ZNRF3: variants seen among roughly 807,000 people sequenced by gnomAD.
ZNRF3 encodes E3 ubiquitin-protein ligase ZNRF3.
In ZNRF3, 23 loss-of-function variants were observed where a neutral mutation model predicts 72.5. That is an observed-to-expected ratio of 0.32 (90% CI 0.23 to 0.45). The LOEUF (loss-of-function observed/expected upper bound fraction) is 0.45, where lower values mean the gene tolerates loss of function less well. Ranked by LOEUF, ZNRF3 falls within the 20% of genes least tolerant of loss-of-function variation. ZNRF3 has a pLI of 1.00. For synonymous variants in ZNRF3, 610 were observed against 545.3 expected, an observed-to-expected ratio of 1.12 and a Z score of -1.65; for missense variants, 1,169 against 1,272.1, an observed-to-expected ratio of 0.92 and a Z score of 1.23.
intron 2 of ZNRF3, chr22:29,026,097 T>C (rs1454417420): frequency 6.6e-6 from 1 of 152,202 alleles, no homozygotes; most frequent in African/African-American, 2.4e-5. Context: ...GTACCAGGAC[T>C]GGAACGCATT....
chr22:29,046,939 G>A (rs2037084136), intron 6 of ZNRF3, 56 bp downstream of exon 6: 1 of 1,430,602 alleles, frequency 7.0e-7, no homozygotes, highest in Non-Finnish European at 9.3e-7. Context: ...GGTCAGCAGA[G>A]GTGCCCAAGA....
chr22:28,987,734 G>A (rs1014979735), intron 2 of ZNRF3, among the ~76,000 whole-genome samples: 3 of 152,200 alleles, frequency 2.0e-5, no homozygotes, highest in Admixed American at 6.5e-5. Context: ...GTTAGTTCAC[G>A]GCAGCTTTGC....
intron 2 of ZNRF3, among the ~76,000 whole-genome samples, chr22:29,015,641 G>T (rs1278065097): frequency 6.7e-6 from 1 of 148,438 alleles, no homozygotes; most frequent in East Asian, 2.0e-4. Context: ...CTGCACTCCC[G>T]CCTGGGTGAC....
intron 2 of ZNRF3, among the ~76,000 whole-genome samples, chr22:29,041,975 G>A (rs944430768): frequency 1.3e-5 from 2 of 152,128 alleles, no homozygotes; most frequent in African/African-American, 2.4e-5. Context: ...GACTGGGCAG[G>A]TTGTTGATGT....
rs986184355 is a variant in ZNRF3, at chr22:29,044,635, A to G, written c.634-145A>G. The G allele has an allele frequency of 6.1e-6, 4 of 657,012 alleles. No individual in the cohort carries two copies. The Admixed American group carries it at 6.6e-5, about 11-fold the overall frequency. 40.7% of individuals were successfully genotyped at this position (657,012 alleles called of 1,614,324 possible). ...CTAGGGAGCACACCATGTGCATGTGAGCAGAACCCCAGGAGTTTCCTGCAA... is the reference window on the plus strand; with the variant it reads ...CTAGGGAGCACACCATGTGCATGTGGGCAGAACCCCAGGAGTTTCCTGCAA... On this transcript the variant is annotated intron_variant, in intron 4 of 8. Transcript: ENST00000544604.
intron 1 of ZNRF3, among the ~76,000 whole-genome samples, chr22:28,892,556 G>A (rs955912426): frequency 6.6e-6 from 1 of 152,144 alleles, no homozygotes; most frequent in Non-Finnish European, 1.5e-5. Context: ...GAGGTTCTTT[G>A]TTCTATTTGT....
intron 2 of ZNRF3, 97 bp from the exon 3 acceptor site, chr22:29,042,398 C>T: frequency 1.0e-6 from 1 of 958,678 alleles, no homozygotes; most frequent in Non-Finnish European, 1.6e-6. Flanking sequence ...TGGTAACTGT[C>T]AGATTCTGCA....
At chr22:28,895,962 G>C (rs1404153356) in intron 1 of ZNRF3, among the ~76,000 whole-genome samples, 1 of 152,060 alleles carries the variant, frequency 6.6e-6, no homozygotes, top group Non-Finnish European at 1.5e-5. Context: ...TGCTGTTCAG[G>C]TGGTCTGAGG....
intron 2 of ZNRF3, among the ~76,000 whole-genome samples, chr22:29,013,337 C>G (rs1214601991): frequency 6.6e-6 from 1 of 152,118 alleles, no homozygotes; most frequent in African/African-American, 2.4e-5. Context: ...TAGTAACTTC[C>G]CCTGTTCCAA....
chr22:29,002,953 A>G (rs73882423), intron 2 of ZNRF3, among the ~76,000 whole-genome samples: 1,973 of 152,302 alleles, frequency 0.013, 43 homozygotes, highest in African/African-American at 0.045. Flanking sequence ...TCATAACACC[A>G]GAAGCACCAA....
rs2037124576 is a variant in ZNRF3 at position 29,048,950 on chromosome 22, G to A, written c.1016-247G>A. On this transcript the variant is annotated intron_variant, in intron 7 of 8. Transcript: ENST00000544604. This position sits in a 1 kb window ranked among gnomAD's most constrained non-coding sequence, Gnocchi z 4.9. The stretch of plus-strand genomic sequence containing the variant: ...CCGATTCTTTTCTGCAGACTTCTGT[G>A]GTGCCCTGTCAGGCAGAGCAGTGGG... Among the ~76,000 whole-genome samples, 1 of 152,166 alleles carries A rather than the reference G, an allele frequency of 6.6e-6. No individual in the cohort carries two copies. Among genetic ancestry groups the A allele is most frequent in the African/African-American group, 2.4e-5 (1 of 41,446 alleles).
chr22:28,888,000 C>T (rs1365703727), intron 1 of ZNRF3, among the ~76,000 whole-genome samples: 6 of 151,942 alleles, frequency 3.9e-5, no homozygotes, highest in Non-Finnish European at 8.8e-5. Context: ...TTTAGAAAAG[C>T]TTGAGAAATT....
At position 28,937,196 on chromosome 22, in the gene ZNRF3, TATATATATATATA is replaced by T. The variant is rs1569252574; in HGVS notation, c.301-49879_301-49867del. 2.5e-3 allele frequency among the ~76,000 whole-genome samples: 8 copies of T among 3,150 alleles called. 1 individual carries two copies. Among genetic ancestry groups the T allele is most frequent in the Admixed American group, 6.8e-3 (1 of 146 alleles). The allele number at this position is 3,150 out of a possible 152,430, so 2.1% of individuals were successfully genotyped here. On this transcript the variant is annotated intron_variant, in intron 1 of 8. Coordinates refer to ENST00000544604, the MANE Select transcript of ZNRF3 (RefSeq NM_001206998.2). ...TATAATATATATATATATATATATA[TATATATATATATA>T]TATATATTTTTTTTTTTTTTTTTTT... is the stretch of plus-strand genomic sequence containing the variant.
intron 2 of ZNRF3, among the ~76,000 whole-genome samples, chr22:28,997,838 CAACAAAAA>C (rs1301233984): frequency 1.3e-5 from 2 of 151,024 alleles, no homozygotes; most frequent in Non-Finnish European, 3.0e-5. Context: ...GAACTCATTT[CAACAAAAA>C]AACAAAAAAA....
intron 1 of ZNRF3, among the ~76,000 whole-genome samples, chr22:28,964,141 G>T (rs2035416338): frequency 6.6e-6 from 1 of 152,098 alleles, no homozygotes; most frequent in Non-Finnish European, 1.5e-5. Flanking sequence ...GGTTTTTTCA[G>T]TGTCAAATTT....
intron 2 of ZNRF3, among the ~76,000 whole-genome samples, chr22:29,021,443 A>G (rs1376737270): frequency 6.6e-6 from 1 of 151,948 alleles, no homozygotes; most frequent in African/African-American, 2.4e-5. Context: ...AGAGGCAATA[A>G]TGGAAAAAGA....
rs552497556 is a variant in ZNRF3, at chr22:29,011,293, CG to C, written c.426+24097del. On this transcript the variant is annotated intron_variant, in intron 2 of 8. Transcript: ENST00000544604. ...TACAAAAGGTGCCCTAGGCTGGCTG[CG>C]GGGGTCCAGCAGGCTGGCTACATTA... Among the ~76,000 whole-genome samples, 16 of 152,228 alleles carry C rather than the reference CG, an allele frequency of 1.1e-4. No homozygotes were observed. The South Asian group carries it at 2.9e-3, about 28-fold the overall frequency.
chr22:28,941,686 C>T (rs1436413355), intron 1 of ZNRF3, among the ~76,000 whole-genome samples: 3 of 152,018 alleles, frequency 2.0e-5, no homozygotes, highest in Admixed American at 6.5e-5. Flanking sequence ...GAGGCTGAGG[C>T]GGGTGGGTCA....
At position 29,048,706 on chromosome 22, in the gene ZNRF3, C is replaced by T. The variant is rs560127773; in HGVS notation, c.1015+215C>T. On this transcript the variant is annotated intron_variant, in intron 7 of 8. Coordinates refer to ENST00000544604, the MANE Select transcript of ZNRF3 (RefSeq NM_001206998.2). This position sits in a 1 kb window ranked among gnomAD's most constrained non-coding sequence, Gnocchi z 4.9. ...GTTCAAGTTTGGGCTTCACATTAAG[C>T]AGCTTCTTGACCTCGGGCAAGACAT... Among the ~76,000 whole-genome samples the T allele has an allele frequency of 6.6e-6, 1 of 152,310 alleles. No homozygotes were observed. Among genetic ancestry groups the T allele is most frequent in the Admixed American group, 6.5e-5 (1 of 15,298 alleles).
Sources: allele counts gnomAD v4.1 joint callset (sites outside exome capture counted in the v4.1 genomes callset), GRCh38; gene constraint gnomAD v4.1.1; non-coding constraint Gnocchi (gnomAD v3.1); transcripts MANE v1.5; gene names NCBI Gene and HGNC (gene_info 2026-07-23, HGNC 2026-07-21).